Variants in COQ7 observed in about 807,000 individuals in gnomAD.
The protein encoded by COQ7 is NADPH-dependent 3-demethoxyubiquinone 3-hydroxylase, mitochondrial.
COQ7 carries 21 observed loss-of-function variants against 25.0 expected under a neutral mutation model. That is an observed-to-expected ratio of 0.84 (90% CI 0.60 to 1.21). The LOEUF is 1.21. Among genes scored for constraint, COQ7 ranks in the 50% most tolerant of loss-of-function variants. COQ7 has a pLI of 0.00. For synonymous variants in COQ7, 125 were observed against 112.4 expected (o/e 1.11, Z -0.71); for missense variants, 311 against 296.2 (o/e 1.05, Z -0.37).
At chr16:19,078,010 G>C in intron 5 of COQ7, 71 bp from the exon 6 acceptor site, 1 of 1,172,880 alleles carries the variant, frequency 8.5e-7, no homozygotes, top group Non-Finnish European at 1.2e-6. Context: ...AGCCTGCCCT[G>C]CCAGCCCTGA....
intron 1 of COQ7, among the ~76,000 whole-genome samples, chr16:19,069,943 C>G (rs2142362104): frequency 6.6e-6 from 1 of 152,028 alleles, no homozygotes; most frequent in East Asian, 1.9e-4. Context: ...GCCACGATGC[C>G]TGGCTAATTT....
chr16:19,077,992 A>G (rs1252029174), intron 5 of COQ7, 89 bp from the exon 6 acceptor site: 3 of 919,716 alleles, frequency 3.3e-6, no homozygotes, highest in Non-Finnish European at 4.8e-6. Flanking sequence ...TTATCCAGAG[A>G]AATCCAAAGC....
In COQ7 at chr16:19,078,301, T is replaced by TA. The variant is rs776471500; in HGVS notation, c.*146dup. 4.9e-6 allele frequency: 3 copies of TA among 608,178 alleles called. No homozygotes were observed. Among genetic ancestry groups the TA allele is most frequent in the Non-Finnish European group, 7.7e-6 (3 of 391,952 alleles). 37.7% of individuals were successfully genotyped at this position (608,178 alleles called of 1,614,324 possible). A position where few individuals can be genotyped will look rare whatever the true frequency, so the allele number is the denominator to read the frequency against. ...ATTATAAGGTTTGTTTTTTTTTTTT[T>TA]AAACTCTGCAGTGTTGATTTTTCTC... On this transcript the variant is annotated 3_prime_UTR_variant, in exon 6 of 6. Transcript: ENST00000321998.
At chr16:19,075,931 A>G in intron 4 of COQ7, 71 bp downstream of exon 4, 1 of 1,597,502 alleles carries the variant, frequency 6.3e-7, no homozygotes, top group East Asian at 2.2e-5. Flanking sequence ...GTAAGAGGAA[A>G]ACATGTTAGA....
In COQ7 at chr16:19,072,892, C is replaced by A. The variant is rs867810648; in HGVS notation, c.252+786C>A. Among the ~76,000 whole-genome samples the A allele has an allele frequency of 2.0e-5, 3 of 152,294 alleles. No homozygotes were observed. The South Asian group carries it at 6.2e-4, about 32-fold the overall frequency. Reference sequence around the variant, plus strand: ...CTCTGATGTAAATAATATTCAGGGCCGGGTGTGGTGGCTCACGCCTGTAAT... The same window carrying A: ...CTCTGATGTAAATAATATTCAGGGCAGGGTGTGGTGGCTCACGCCTGTAAT... On this transcript the variant is annotated intron_variant, in intron 2 of 5. Transcript: ENST00000321998.
In COQ7 at chr16:19,078,178, G is replaced by C. The variant is rs755005491; in HGVS notation, c.*20G>C. 1.3e-6 allele frequency: 2 copies of C among 1,589,208 alleles called. No homozygotes were observed. The highest frequency in any genetic ancestry group is 1.7e-6 in the Non-Finnish European group (2 of 1,164,150). On this transcript the variant is annotated 3_prime_UTR_variant, in exon 6 of 6. Coordinates refer to ENST00000321998, the MANE Select transcript of COQ7 (RefSeq NM_016138.5). ...TTATAAAGTGTGTCCAGTTTTGCCT[G>C]TCTATAAAAGATGATAGTAATTTAC...
At chr16:19,068,671 A>AAG (rs998953279) in intron 1 of COQ7, 2 of 244,546 alleles carry the variant, frequency 8.2e-6, no homozygotes, top group African/African-American at 4.8e-5. Context: ...AAAAAAAAAA[A>AAG]AAAAAAGAAA....
At chr16:19,074,132 T>C in intron 3 of COQ7, 97 bp downstream of exon 3, 1 of 851,314 alleles carries the variant, frequency 1.2e-6, no homozygotes, top group Non-Finnish European at 1.8e-6. Context: ...TGTCCTCTTA[T>C]GACCTCATTC....
At chr16:19,077,279 T>TG in intron 4 of COQ7, 27 bp from the exon 5 acceptor site, 1 of 1,608,068 alleles carries the variant, frequency 6.2e-7, no homozygotes, top group Admixed American at 1.7e-5. Context: ...AAGGCTAACT[T>TG]GCTTTGGTGT....
At chr16:19,071,290 C>T (rs894740992) in intron 1 of COQ7, among the ~76,000 whole-genome samples, 9 of 152,260 alleles carry the variant, frequency 5.9e-5, no homozygotes, top group Non-Finnish European at 1.2e-4. Context: ...CACACGCCAA[C>T]ACACCCAGCT....
downstream of COQ7, among the ~76,000 whole-genome samples, chr16:19,081,097 ATGTTT>A (rs1175336310): frequency 1.3e-5 from 2 of 152,144 alleles, no homozygotes; most frequent in African/African-American, 4.8e-5. Context: ...AACTTTGCTG[ATGTTT>A]TGTTTTTCAG....
chr16:19,077,896 A>G (rs568485070), intron 5 of COQ7, among the ~76,000 whole-genome samples, 185 bp from the exon 6 acceptor site: 72 of 152,230 alleles, frequency 4.7e-4, no homozygotes, highest in Non-Finnish European at 8.2e-4. Context: ...GATGACTCCA[A>G]TGCTTTGGCA....
chr16:19,072,107 G>T lies in COQ7; in HGVS notation c.252+1G>T. ...GACCAGCGTCGGGCCAGTCATTCAG[G>T]TGGGTGCTTCTTCATCTCCCTCACC... On this transcript the variant is annotated splice_donor_variant, in intron 2 of 5. Transcript: ENST00000321998. LOFTEE classifies it high-confidence loss of function. The T allele has an allele frequency of 6.2e-7, 1 of 1,614,096 alleles. No homozygotes were observed. Among genetic ancestry groups the T allele is most frequent in the Non-Finnish European group, 8.5e-7 (1 of 1,179,992 alleles).
chr16:19,067,904 G>A, intron 1 of COQ7, 167 bp downstream of exon 1: 1 of 1,489,898 alleles, frequency 6.7e-7, no homozygotes, highest in Non-Finnish European at 8.8e-7. Flanking sequence ...CGGGCGGGGC[G>A]GGGTCTGTAG....
In COQ7 at chr16:19,071,792, G is replaced by C. The variant is rs1394467450; in HGVS notation, c.74-136G>C. On this transcript the variant is annotated intron_variant, in intron 1 of 5. Transcript: ENST00000321998. ...CTGTTTTAACACTGTAGGTTAAACAGAGTCCGTTTATGGGCACGCCTGGCC... is the reference window on the plus strand; with the variant it reads ...CTGTTTTAACACTGTAGGTTAAACACAGTCCGTTTATGGGCACGCCTGGCC... The C allele has an allele frequency of 1.5e-5, 13 of 857,232 alleles. No individual in the cohort carries two copies. The Admixed American group carries it at 2.8e-4, about 18-fold the overall frequency. The allele number at this position is 857,232 out of a possible 1,614,324, so 53.1% of individuals were successfully genotyped here. A position where few individuals can be genotyped will look rare whatever the true frequency, so the allele number is the denominator to read the frequency against.
chr16:19,071,413 G>A (rs1233886550), intron 1 of COQ7, among the ~76,000 whole-genome samples: 2 of 152,264 alleles, frequency 1.3e-5, no homozygotes, highest in South Asian at 2.1e-4. Context: ...TAGGATTACA[G>A]GCATGAGCCA....
At chr16:19,082,740 C>T (rs1963117185), downstream of COQ7, among the ~76,000 whole-genome samples, 1 of 150,746 alleles carries the variant, frequency 6.6e-6, no homozygotes, top group East Asian at 2.0e-4. Flanking sequence ...GCATTCCAGC[C>T]TGGGCAACAG....
intron 1 of COQ7, among the ~76,000 whole-genome samples, chr16:19,070,916 C>T (rs1015975564): frequency 6.6e-6 from 1 of 152,112 alleles, no homozygotes; most frequent in Non-Finnish European, 1.5e-5. Context: ...TTGAGTTACT[C>T]TAATATAAGG....
chr16:19,075,255 T>C (rs1962772946), intron 3 of COQ7, among the ~76,000 whole-genome samples: 1 of 144,068 alleles, frequency 6.9e-6, no homozygotes, highest in South Asian at 2.2e-4. Context: ...CACGCTGGAG[T>C]GCAGTGGCGT....
Sources: allele counts gnomAD v4.1 joint callset (sites outside exome capture counted in the v4.1 genomes callset), GRCh38; gene constraint gnomAD v4.1.1; transcripts MANE v1.5; gene names NCBI Gene and HGNC (gene_info 2026-07-23, HGNC 2026-07-21).